Variants in DDX60 observed in about 807,000 individuals in gnomAD.
DDX60 encodes probable ATP-dependent RNA helicase DDX60.
A neutral mutation model predicts 212.8 loss-of-function variants in DDX60; 165 were observed. The observed-to-expected ratio is 0.78, with a 90% confidence interval of 0.68 to 0.88. The LOEUF (loss-of-function observed/expected upper bound fraction) is 0.88, where lower values mean the gene tolerates loss of function less well. Among genes scored for constraint, DDX60 ranks in the 40% least tolerant of loss-of-function variants. DDX60 has a pLI of 0.00. For synonymous variants in DDX60, 703 were observed against 685.3 expected (o/e 1.03, Z -0.40); for missense variants, 1,905 against 2,003.9 (o/e 0.95, Z 0.94).
At chr4:168,273,124 A>G (rs566161865) in intron 18 of DDX60, among the ~76,000 whole-genome samples, 155 bp downstream of exon 18, 1 of 152,354 alleles carries the variant, frequency 6.6e-6, no homozygotes, top group East Asian at 1.9e-4. Context: ...TTTGAAATGT[A>G]ACAATATTAC....
intron 5 of DDX60, among the ~76,000 whole-genome samples, chr4:168,305,985 T>C (rs927705186): frequency 2.6e-5 from 4 of 152,198 alleles, no homozygotes; most frequent in African/African-American, 7.2e-5. Flanking sequence ...CAACATATTA[T>C]GCAGCAGTTA....
At chr4:168,237,830 T>G in intron 30 of DDX60, 35 bp from the exon 31 acceptor site, 1 of 1,471,854 alleles carries the variant, frequency 6.8e-7, no homozygotes, top group South Asian at 1.2e-5. Flanking sequence ...ACACACAATG[T>G]TAAGTGTTAC....
In DDX60 at chr4:168,230,814, G is replaced by C. The variant is rs377445921; in HGVS notation, c.4534-5138C>G. Among the ~76,000 whole-genome samples, 30 of 151,954 alleles carry C rather than the reference G, an allele frequency of 2.0e-4. 1 individual carries two copies. The South Asian group carries it at 6.0e-3, about 31-fold the overall frequency. On this transcript the variant is annotated intron_variant, in intron 33 of 37. Transcript: ENST00000393743. ...CAATAACAAACCAAACCCAAACCCA[G>C]CAGAAGAAAAGAAATAGCAAAGATC...
intron 25 of DDX60, among the ~76,000 whole-genome samples, chr4:168,259,774 G>C (rs1423221737): frequency 6.6e-6 from 1 of 151,134 alleles, no homozygotes; most frequent in Non-Finnish European, 1.5e-5. Flanking sequence ...TAAGCTATTT[G>C]ATACTATAAT....
intron 6 of DDX60, among the ~76,000 whole-genome samples, chr4:168,300,764 G>C (rs1374261625): frequency 1.3e-5 from 2 of 152,188 alleles, no homozygotes; most frequent in Non-Finnish European, 2.9e-5. Flanking sequence ...CCACACCAAA[G>C]GAGGTGGGTG....
Position 168,255,695 on chromosome 4 carries a change from T to A in DDX60, c.3557+16A>T, listed in dbSNP as rs757696612. 8 of 1,566,552 alleles carry A rather than the reference T, an allele frequency of 5.1e-6. No homozygotes were observed. Among genetic ancestry groups the A allele is most frequent in the Non-Finnish European group, 6.9e-6 (8 of 1,164,160 alleles). On this transcript the variant is annotated intron_variant, in intron 26 of 37. Coordinates refer to ENST00000393743, the MANE Select transcript of DDX60 (RefSeq NM_017631.6). ...TTTAACCCTCTACTTATCAATTTGTTTAGTTAACTACTTACATGATCTTTT... is the reference window on the plus strand; with the variant it reads ...TTTAACCCTCTACTTATCAATTTGTATAGTTAACTACTTACATGATCTTTT...
intron 28 of DDX60, among the ~76,000 whole-genome samples, chr4:168,248,791 C>T (rs558544570): frequency 1.8e-3 from 265 of 150,506 alleles, no homozygotes; most frequent in Middle Eastern, 3.4e-3. Flanking sequence ...CGGAGTTTCG[C>T]TCTTGTCGCC....
Position 168,282,643 on chromosome 4 carries a change from C to T in DDX60, c.1722+803G>A, listed in dbSNP as rs183574511. On this transcript the variant is annotated intron_variant, in intron 13 of 37. Coordinates refer to ENST00000393743, the MANE Select transcript of DDX60 (RefSeq NM_017631.6). Reference sequence around the variant, plus strand: ...TTTTTGTGAAAATTAATGCCATTTCCAAAACCCCAACTTTGAGGCCACAGA... The same window carrying T: ...TTTTTGTGAAAATTAATGCCATTTCTAAAACCCCAACTTTGAGGCCACAGA... Among the ~76,000 whole-genome samples, 5 of 152,118 alleles carry T rather than the reference C, an allele frequency of 3.3e-5. No individual in the cohort carries two copies. The East Asian group carries it at 9.7e-4, about 29-fold the overall frequency.
intron 22 of DDX60, among the ~76,000 whole-genome samples, chr4:168,263,904 A>G (rs2149513177): frequency 6.6e-6 from 1 of 152,354 alleles, no homozygotes; most frequent in South Asian, 2.1e-4. Flanking sequence ...TATATATTGT[A>G]TCAAATAGGA....
Position 168,260,920 on chromosome 4 carries a change from G to A in DDX60, c.3343C>T (p.Pro1115Ser). ...TTCCTTAGTTTTTCAACTAGAAGTG[G>A]AAACATGGTGATCATGTTTTCTGGA... is the stretch of plus-strand genomic sequence containing the variant. ...LSPENMITMF[P>S]LLVEKLRKME... Residue 1115 changes from proline (P) to serine (S), a missense_variant, in exon 25 of 38, where the codon CCA becomes TCA. Coordinates refer to ENST00000393743, the MANE Select transcript of DDX60 (RefSeq NM_017631.6). The A allele has an allele frequency of 6.2e-7, 1 of 1,609,972 alleles. No individual in the cohort carries two copies. Among genetic ancestry groups the A allele is most frequent in the Non-Finnish European group, 8.5e-7 (1 of 1,176,446 alleles).
intron 14 of DDX60, among the ~76,000 whole-genome samples, chr4:168,277,787 C>T (rs760853627): frequency 2.1e-4 from 27 of 130,092 alleles, no homozygotes; most frequent in East Asian, 4.3e-4. Flanking sequence ...GCAGCCTGAG[C>T]GAAAGAGCGA....
At chr4:168,244,984 C>A (rs1033567303) in intron 30 of DDX60, among the ~76,000 whole-genome samples, 4 of 152,010 alleles carry the variant, frequency 2.6e-5, no homozygotes, top group Non-Finnish European at 4.4e-5. Flanking sequence ...AACAAAGATA[C>A]AATTCAAGGA....
chr4:168,284,950 A>T lies in DDX60; in HGVS notation c.1446-15T>A, dbSNP rs1481634098. 1.5e-6 allele frequency: 2 copies of T among 1,356,270 alleles called. No homozygotes were observed. Among genetic ancestry groups the T allele is most frequent in the Non-Finnish European group, 2.1e-6 (2 of 972,220 alleles). The allele number at this position is 1,356,270 out of a possible 1,614,324, so 84.0% of individuals were successfully genotyped here. On this transcript the variant is annotated splice_polypyrimidine_tract_variant and intron_variant, in intron 11 of 37. Transcript: ENST00000393743. ...TAGGATCATCACTGTGAGACAAAAAAAGGCATATTTTAAATTGCACACTTC... is the reference window on the plus strand; with the variant it reads ...TAGGATCATCACTGTGAGACAAAAATAGGCATATTTTAAATTGCACACTTC...
intron 28 of DDX60, among the ~76,000 whole-genome samples, chr4:168,249,665 A>C (rs1384252353): frequency 1.3e-5 from 2 of 152,210 alleles, no homozygotes; most frequent in Admixed American, 6.5e-5. Context: ...TAAACACAGA[A>C]TACCCTGATC....
At chr4:168,301,883 C>T (rs1254742459) in intron 6 of DDX60, among the ~76,000 whole-genome samples, 1 of 152,186 alleles carries the variant, frequency 6.6e-6, no homozygotes, top group East Asian at 1.9e-4. Flanking sequence ...GTACTGAGGA[C>T]CCAAGATTAA....
At chr4:168,254,699 T>C (rs1366218186) in intron 26 of DDX60, among the ~76,000 whole-genome samples, 3 of 151,876 alleles carry the variant, frequency 2.0e-5, no homozygotes, top group East Asian at 3.9e-4. Context: ...TAGAAGAACA[T>C]AGGAGAGAGG....
chr4:168,273,612 A>T (rs1248951087), intron 17 of DDX60, among the ~76,000 whole-genome samples: 1 of 152,202 alleles, frequency 6.6e-6, no homozygotes, highest in Non-Finnish European at 1.5e-5. Flanking sequence ...ACCTAAAGTA[A>T]AATGGAATTT....
chr4:168,260,755 C>A lies in DDX60; in HGVS notation c.3398+110G>T, dbSNP rs376443321. On this transcript the variant is annotated intron_variant, in intron 25 of 37. Transcript: ENST00000393743. The stretch of plus-strand genomic sequence containing the variant: ...GCTCTGTGGCACAATTCCTAACAGA[C>A]CATGGGCTGGGCCAGTGATGGTCTG... 4.1e-6 allele frequency: 4 copies of A among 986,128 alleles called. No individual in the cohort carries two copies. The African/African-American group carries it at 4.9e-5, about 12-fold the overall frequency. The allele number at this position is 986,128 out of a possible 1,614,324, so 61.1% of individuals were successfully genotyped here. A position where few individuals can be genotyped will look rare whatever the true frequency, so the allele number is the denominator to read the frequency against.
chr4:168,257,310 C>T (rs1012795951), intron 25 of DDX60, among the ~76,000 whole-genome samples: 5 of 150,258 alleles, frequency 3.3e-5, no homozygotes, highest in African/African-American at 1.2e-4. Flanking sequence ...CTCCATCGCC[C>T]TTCAAAAAAA....
Sources: gnomAD v4.1 joint callset for allele counts (sites outside exome capture counted in the v4.1 genomes callset) on GRCh38, gnomAD v4.1.1 for gene constraint, MANE v1.5 for transcripts, NCBI Gene and HGNC (gene_info 2026-07-23, HGNC 2026-07-21) for gene names.